CCM2L: variants seen among roughly 807,000 people sequenced by gnomAD.
The protein encoded by CCM2L is cerebral cavernous malformations 2 protein-like.
A neutral mutation model predicts 54.1 loss-of-function variants in CCM2L; 36 were observed. The ratio of observed to expected loss-of-function variants is 0.67; its 90% confidence interval spans 0.51 to 0.88. The LOEUF is 0.88. Ranked by LOEUF, CCM2L falls within the 40% of genes least tolerant of loss-of-function variation. The pLI, the probability that CCM2L is intolerant of heterozygous loss-of-function variation, is 0.00. For missense variants in CCM2L, 700 were observed against 812.1 expected (o/e 0.86, Z 1.68); for synonymous variants, 351 against 359.3 (o/e 0.98, Z 0.26).
At chr20:32,010,729 T>C (rs2064686287) in intron 1 of CCM2L, among the ~76,000 whole-genome samples, 1 of 152,142 alleles carries the variant, frequency 6.6e-6, no homozygotes, top group African/African-American at 2.4e-5. Flanking sequence ...TCAGGAAACC[T>C]GGCCAGACGG....
At chr20:32,011,096 AC>A (rs895699130) in intron 1 of CCM2L, among the ~76,000 whole-genome samples, 10 of 150,732 alleles carry the variant, frequency 6.6e-5, no homozygotes, top group African/African-American at 2.4e-4. Flanking sequence ...CTTCCATCTT[AC>A]CCCCATTTCC....
rs369950230 is a variant in CCM2L at position 32,010,502 on chromosome 20, A to T, written c.30+18A>T. 233 of 1,222,086 alleles carry T rather than the reference A, an allele frequency of 1.9e-4. No homozygotes were observed. Among genetic ancestry groups the T allele is most frequent in the Middle Eastern group, 7.5e-4 (3 of 3,976 alleles). 75.7% of individuals were successfully genotyped at this position (1,222,086 alleles called of 1,614,324 possible). On this transcript the variant is annotated intron_variant, in intron 1 of 9. Transcript: ENST00000452892. The stretch of plus-strand genomic sequence containing the variant: ...GGAAGAAGGTAGGTGGGAGGTTGGG[A>T]GGGACGAAGGGAGAGGAATGTCCCC...
chr20:32,022,603 G>A (rs1384246349), intron 5 of CCM2L, 57 bp from the exon 6 acceptor site: 1 of 1,596,436 alleles, frequency 6.3e-7, no homozygotes, highest in Non-Finnish European at 8.6e-7. Flanking sequence ...TAGGAAGCAG[G>A]GTAACATCTT....
rs1198954177 is a variant in CCM2L at position 32,010,575 on chromosome 20, G to A, written c.30+91G>A. ...TGGGGCGGGGTGGGGGGTCGGTAGC[G>A]AGGGGCATAAGTGGAGCCTTTCTTC... On this transcript the variant is annotated intron_variant, in intron 1 of 9. Transcript: ENST00000452892. 8 of 1,079,618 alleles carry A rather than the reference G, an allele frequency of 7.4e-6. No homozygotes were observed. In the Admixed American group the frequency reaches 1.4e-4, roughly 19 times the overall value. 66.9% of individuals were successfully genotyped at this position (1,079,618 alleles called of 1,614,324 possible).
At chr20:32,012,296 G>T (rs537096089) in intron 1 of CCM2L, among the ~76,000 whole-genome samples, 1 of 152,056 alleles carries the variant, frequency 6.6e-6, no homozygotes, top group Non-Finnish European at 1.5e-5. Flanking sequence ...AGTGACTCAC[G>T]CCTGTAATCG....
rs943258589 is a variant in CCM2L at position 32,031,374 on chromosome 20, G to T, written c.*60G>T. The T allele has an allele frequency of 7.5e-6, 9 of 1,206,410 alleles. No homozygotes were observed. The African/African-American group carries it at 9.6e-5, about 13-fold the overall frequency. 74.7% of individuals were successfully genotyped at this position (1,206,410 alleles called of 1,614,324 possible). On this transcript the variant is annotated 3_prime_UTR_variant, in exon 10 of 10. Coordinates refer to ENST00000452892, the MANE Select transcript of CCM2L (RefSeq NM_001365692.1). ...CACCTCTGAGTCTCAGCTTTGCTTC[G>T]GGGACCCTATCCCCAGGGCCCCCCC...
intron 1 of CCM2L, among the ~76,000 whole-genome samples, chr20:32,011,276 T>G (rs1266942891): frequency 6.6e-6 from 1 of 152,182 alleles, no homozygotes; most frequent in Admixed American, 6.5e-5. Flanking sequence ...CACCAGGTAT[T>G]TCTTTTTTTA....
intron 2 of CCM2L, among the ~76,000 whole-genome samples, chr20:32,017,387 C>T (rs895527376): frequency 2.6e-5 from 4 of 152,176 alleles, no homozygotes; most frequent in East Asian, 1.9e-4. Flanking sequence ...AGGAAATTTA[C>T]AGGTGGTCAG....
Position 32,019,384 on chromosome 20 carries a change from TG to T in CCM2L, c.910del (p.Val304SerfsTer5). On this transcript the variant is annotated frameshift_variant, in exon 5 of 10. Transcript: ENST00000452892. LOFTEE classifies it high-confidence loss of function. ...CCCAGCCCCGACGCCTACTGCAACC[TG>T]GTCATCCTGGCTGTAGCCAACAGGG... ...QDPSPDAYCN[L>X]VILAVANRDA... 1 of 1,522,088 alleles carries T rather than the reference TG, an allele frequency of 6.6e-7. No individual in the cohort carries two copies. The highest frequency in any genetic ancestry group is 1.2e-5 in the South Asian group (1 of 84,084). 94.3% of individuals were successfully genotyped at this position (1,522,088 alleles called of 1,614,324 possible).
At position 32,028,971 on chromosome 20, in the gene CCM2L, A is replaced by AG. The variant is rs771908542; in HGVS notation, c.1134-22dup. ...CCAGGAGCTGGAGGGAGGCGAGTGA[A>AG]GGCCCTTCTTCCCGTGCCTGCAGTA... On this transcript the variant is annotated intron_variant, in intron 7 of 9. Coordinates refer to ENST00000452892, the MANE Select transcript of CCM2L (RefSeq NM_001365692.1). 4.4e-4 allele frequency: 716 copies of AG among 1,613,294 alleles called. 2 individuals carry two copies. The African/African-American group carries it at 8.9e-3, about 20-fold the overall frequency.
At position 32,010,554 on chromosome 20, in the gene CCM2L, G is replaced by A. The variant is rs2064683706; in HGVS notation, c.30+70G>A. 7.0e-6 allele frequency: 8 copies of A among 1,148,420 alleles called. No individual in the cohort carries two copies. In the South Asian group the frequency reaches 8.0e-5, roughly 12 times the overall value. The allele number at this position is 1,148,420 out of a possible 1,614,324, so 71.1% of individuals were successfully genotyped here. On this transcript the variant is annotated intron_variant, in intron 1 of 9. Coordinates refer to ENST00000452892, the MANE Select transcript of CCM2L (RefSeq NM_001365692.1). ...AAGCTGGGGAAGGGGGCAAACTGGG[G>A]CGGGGTGGGGGGTCGGTAGCGAGGG...
At chr20:32,014,612 C>T (rs1434994809) in intron 1 of CCM2L, among the ~76,000 whole-genome samples, 2 of 152,126 alleles carry the variant, frequency 1.3e-5, no homozygotes, top group Admixed American at 6.5e-5. Flanking sequence ...AGACTCATTC[C>T]TCAAACCTGT....
At position 32,018,110 on chromosome 20, in the gene CCM2L, C is replaced by A; in HGVS notation, c.414C>A (p.Ala138=). The A allele has an allele frequency of 1.9e-6, 3 of 1,610,438 alleles. No homozygotes were observed. Among genetic ancestry groups the A allele is most frequent in the East Asian group, 2.2e-5 (1 of 44,738 alleles). The change falls in exon 4 of 10, where the codon GCC becomes GCA. Residue 138 remains alanine (A), a synonymous_variant. Transcript: ENST00000452892. ...TGCGAATCCCTACGCACGAGATCGC[C>A]GCCGCCTCCTACCTGCAGGACGACG... is the stretch of plus-strand genomic sequence containing the variant. ...LILRIPTHEI[A]AASYLQDDAL... is the part of the protein sequence containing the mutation.
Position 32,032,047 on chromosome 20 carries a change from AC to A in CCM2L, c.*737del, listed in dbSNP as rs1324781988. The A allele has an allele frequency of 6.6e-6, 1 of 152,030 alleles. No homozygotes were observed. The highest frequency in any genetic ancestry group is 2.4e-5 in the African/African-American group (1 of 41,354). 9.4% of individuals were successfully genotyped at this position (152,030 alleles called of 1,614,324 possible). On this transcript the variant is annotated 3_prime_UTR_variant, in exon 10 of 10. Coordinates refer to ENST00000452892, the MANE Select transcript of CCM2L (RefSeq NM_001365692.1). ...TCGTAACCTCTGTGTGCCTCCCGTT[AC>A]CCCATCTGTCCAGTGAGCTCAGCCC...
At position 32,011,086 on chromosome 20, in the gene CCM2L, C is replaced by T. The variant is rs555117199; in HGVS notation, c.30+602C>T. Among the ~76,000 whole-genome samples the T allele has an allele frequency of 5.8e-4, 88 of 152,254 alleles. No individual in the cohort carries two copies. The Middle Eastern group carries it at 0.014, about 24-fold the overall frequency. Reference sequence around the variant, plus strand: ...GTTCAGGGAGGCGCTCTGATTTTAACTTCCATCTTACCCCCATTTCCACCC... The same window carrying T: ...GTTCAGGGAGGCGCTCTGATTTTAATTTCCATCTTACCCCCATTTCCACCC... On this transcript the variant is annotated intron_variant, in intron 1 of 9. Coordinates refer to ENST00000452892, the MANE Select transcript of CCM2L (RefSeq NM_001365692.1).
intron 7 of CCM2L, 145 bp from the exon 8 acceptor site, chr20:32,028,850 T>G: frequency 5.3e-5 from 52 of 987,258 alleles, no homozygotes; most frequent in Non-Finnish European, 6.7e-5. Context: ...CAGTGACAGA[T>G]GAGACTTGAG....
chr20:32,018,969 G>T lies in CCM2L; in HGVS notation c.493G>T (p.Gly165Cys). The T allele has an allele frequency of 7.1e-7, 1 of 1,402,992 alleles. No homozygotes were observed. Among genetic ancestry groups the T allele is most frequent in the Non-Finnish European group, 9.2e-7 (1 of 1,083,074 alleles). 86.9% of individuals were successfully genotyped at this position (1,402,992 alleles called of 1,614,324 possible). A position where few individuals can be genotyped will look rare whatever the true frequency, so the allele number is the denominator to read the frequency against. ...TGLGVDPVPA[G>C]VDASPGGAGR... ...TCTGGGTGTGGACCCGGTGCCGGCC[G>T]GCGTGGATGCCAGCCCAGGCGGCGC... is the stretch of plus-strand genomic sequence containing the variant. The change falls in exon 5 of 10, where the codon GGC becomes TGC. Residue 165 changes from glycine to cysteine, a missense_variant. Coordinates refer to ENST00000452892, the MANE Select transcript of CCM2L (RefSeq NM_001365692.1).
At chr20:32,025,828 T>C in intron 6 of CCM2L, 28 bp from the exon 7 acceptor site, 1 of 1,301,584 alleles carries the variant, frequency 7.7e-7, no homozygotes, top group Non-Finnish European at 1.0e-6. Context: ...TTGCTGCCTC[T>C]GACAGTCCCT....
intron 4 of CCM2L, 135 bp from the exon 5 acceptor site, chr20:32,018,808 C>A: frequency 1.8e-6 from 2 of 1,099,092 alleles, no homozygotes; most frequent in Admixed American, 4.5e-5. Context: ...GGAACCGCCG[C>A]GCTACTTTAA....
Sources: allele counts gnomAD v4.1 joint callset (sites outside exome capture counted in the v4.1 genomes callset), GRCh38; gene constraint gnomAD v4.1.1; transcripts MANE v1.5; gene names NCBI Gene and HGNC (gene_info 2026-07-23, HGNC 2026-07-21).